The following ROBO1 variants were observed in gnomAD, a reference collection of about 807,000 sequenced individuals.
ROBO1 encodes roundabout homolog 1.
In ROBO1, 149 loss-of-function variants were observed where a neutral mutation model predicts 195.9. The ratio of observed to expected loss-of-function variants is 0.76; its 90% CI spans 0.67 to 0.87. ROBO1 has a LOEUF of 0.87. ROBO1 is among the 40% of genes least tolerant of loss of function. The pLI is 0.00. For missense variants in ROBO1, 1,933 were observed against 2,068.3 expected, an observed-to-expected ratio of 0.93 and a Z score of 1.27; for synonymous variants, 816 against 733.2, an observed-to-expected ratio of 1.11 and a Z score of -1.82.
chr3:79,608,140 TTA>T (rs779839633), intron 1 of ROBO1, among the ~76,000 whole-genome samples: 13 of 152,004 alleles, frequency 8.6e-5, no homozygotes, highest in Admixed American at 6.6e-4. Context: ...ATGCATGTGC[TTA>T]CAAGTTCGTC....
In ROBO1 at chr3:78,639,909, A is replaced by T; in HGVS notation, c.2883-11T>A. 1 of 1,513,820 alleles carries T rather than the reference A, an allele frequency of 6.6e-7. No homozygotes were observed. The highest frequency in any genetic ancestry group is 8.9e-7 in the Non-Finnish European group (1 of 1,129,130). 93.8% of individuals were successfully genotyped at this position (1,513,820 alleles called of 1,614,324 possible). On this transcript the variant is annotated splice_polypyrimidine_tract_variant and intron_variant, in intron 21 of 30. Transcript: ENST00000464233. ...TTGAGAAGTCCAGGCCTAAATAAAA[A>T]AAAAATATTAAAGCAAATGTTATAT...
At chr3:79,258,728 T>G (rs1437231288) in intron 2 of ROBO1, among the ~76,000 whole-genome samples, 1 of 152,146 alleles carries the variant, frequency 6.6e-6, no homozygotes, top group East Asian at 1.9e-4. Flanking sequence ...CTATTTCCAC[T>G]GGGAGACACA....
At position 78,711,423 on chromosome 3, in the gene ROBO1, CTTTCTTTCT is replaced by C. The variant is rs1559773837; in HGVS notation, c.1045+2965_1045+2973del. ...CCTTTCTTTCTTTCTTTCTTTCTTTCTTTCTTTCTTTCTTTCTTTCCTTCCTTCCTTCCT... is the reference window on the plus strand; with the variant it reads ...CCTTTCTTTCTTTCTTTCTTTCTTTCTTCTTTCTTTCCTTCCTTCCTTCCT... On this transcript the variant is annotated intron_variant, in intron 8 of 30. Coordinates refer to ENST00000464233, the MANE Select transcript of ROBO1 (RefSeq NM_002941.4). Among the ~76,000 whole-genome samples the C allele has an allele frequency of 4.7e-5, 5 of 105,470 alleles. 2 individuals are homozygous for C. The highest frequency in any genetic ancestry group is 2.0e-4 in the African/African-American group (5 of 24,576). 69.2% of individuals were successfully genotyped at this position (105,470 alleles called of 152,430 possible). A position where few individuals can be genotyped will look rare whatever the true frequency, so the allele number is the denominator to read the frequency against.
intron 4 of ROBO1, among the ~76,000 whole-genome samples, chr3:78,933,063 A>G (rs1401182428): frequency 6.6e-6 from 1 of 152,158 alleles, no homozygotes; most frequent in African/African-American, 2.4e-5. Flanking sequence ...CTAACTAAAC[A>G]GATATGTGAG....
At chr3:79,370,372 T>C (rs1006192893) in intron 2 of ROBO1, among the ~76,000 whole-genome samples, 1 of 151,748 alleles carries the variant, frequency 6.6e-6, no homozygotes, top group Non-Finnish European at 1.5e-5. Flanking sequence ...AAAAAAAAGT[T>C]CCTTTAAAAC....
At chr3:78,786,722 T>C (rs759749412) in intron 4 of ROBO1, among the ~76,000 whole-genome samples, 16 of 152,198 alleles carry the variant, frequency 1.1e-4, no homozygotes, top group Non-Finnish European at 2.1e-4. Context: ...ATGGAAGATG[T>C]GCCTTTGCCC....
intron 10 of ROBO1, among the ~76,000 whole-genome samples, chr3:78,673,565 TATATATATATATATATA>T: frequency 9.9e-5 from 2 of 20,110 alleles, no homozygotes; most frequent in South Asian, 2.2e-3. Context: ...ATATATTTTA[TATATATATATATATATA>T]TATATATATA....
At chr3:78,935,565 C>A (rs888684723) in intron 4 of ROBO1, among the ~76,000 whole-genome samples, 1 of 151,924 alleles carries the variant, frequency 6.6e-6, no homozygotes, top group African/African-American at 2.4e-5. Context: ...GGAGAATAGA[C>A]CCACAAACTA....
At chr3:78,615,906 G>A (rs1704085160) in intron 27 of ROBO1, among the ~76,000 whole-genome samples, 1 of 152,156 alleles carries the variant, frequency 6.6e-6, no homozygotes, top group African/African-American at 2.4e-5. Context: ...ACTGCAATAA[G>A]CAGAGGCCAA....
chr3:78,692,665 T>A (rs1417108831), intron 8 of ROBO1, among the ~76,000 whole-genome samples: 1 of 152,204 alleles, frequency 6.6e-6, no homozygotes, highest in Non-Finnish European at 1.5e-5. Flanking sequence ...TGTACAATTA[T>A]CTAAAAATTG....
At chr3:79,392,815 A>C (rs934048360) in intron 2 of ROBO1, among the ~76,000 whole-genome samples, 2 of 152,206 alleles carry the variant, frequency 1.3e-5, no homozygotes, top group African/African-American at 4.8e-5. Flanking sequence ...TTAAAAAGCT[A>C]TAACTGGAAG....
chr3:79,385,661 G>T (rs996669165), intron 2 of ROBO1, among the ~76,000 whole-genome samples: 3 of 152,036 alleles, frequency 2.0e-5, no homozygotes, highest in African/African-American at 7.2e-5. Context: ...TTCTGTAAAA[G>T]AAAGAAACTC....
chr3:79,144,439 C>T (rs2080601377), intron 2 of ROBO1, among the ~76,000 whole-genome samples: 1 of 151,808 alleles, frequency 6.6e-6, no homozygotes, highest in Non-Finnish European at 1.5e-5. Flanking sequence ...TACTCCCTTC[C>T]ACTTTTTTCC....
chr3:79,401,801 ATATAT>A (rs1233326208), intron 2 of ROBO1, among the ~76,000 whole-genome samples: 1 of 151,876 alleles, frequency 6.6e-6, no homozygotes, highest in Non-Finnish European at 1.5e-5. Flanking sequence ...TAAAATAAAA[ATATAT>A]TATATAACCA....
intron 26 of ROBO1, among the ~76,000 whole-genome samples, chr3:78,620,883 A>ATG (rs199578004): frequency 0.033 from 4,803 of 144,608 alleles, 98 homozygotes; most frequent in South Asian, 0.079. Flanking sequence ...ATATATATAT[A>ATG]TGTGTGTGTG....
At chr3:79,282,691 C>G (rs2031602153) in intron 2 of ROBO1, among the ~76,000 whole-genome samples, 2 of 152,108 alleles carry the variant, frequency 1.3e-5, no homozygotes, top group Non-Finnish European at 2.9e-5. Flanking sequence ...AAATTTTACG[C>G]ATGTTGAGTT....
At chr3:78,956,151 T>C (rs756878158) in intron 3 of ROBO1, among the ~76,000 whole-genome samples, 6 of 152,182 alleles carry the variant, frequency 3.9e-5, no homozygotes, top group Non-Finnish European at 5.9e-5. Flanking sequence ...CTATAGTACA[T>C]ACTTTAGTAA....
chr3:78,635,380 T>C (rs149896238), intron 23 of ROBO1, among the ~76,000 whole-genome samples: 122 of 152,280 alleles, frequency 8.0e-4, no homozygotes, highest in African/African-American at 2.8e-3. Flanking sequence ...AAAATGCCAT[T>C]GGTTTATATA....
chr3:79,433,130 T>G (rs559346730), intron 2 of ROBO1, among the ~76,000 whole-genome samples: 2 of 152,226 alleles, frequency 1.3e-5, no homozygotes, highest in Admixed American at 1.3e-4. Flanking sequence ...ACCTAGGTAT[T>G]AAGGCCAGTA....
Sources: gnomAD v4.1 joint callset for allele counts (sites outside exome capture counted in the v4.1 genomes callset) on GRCh38, gnomAD v4.1.1 for gene constraint, MANE v1.5 for transcripts, NCBI Gene and HGNC (gene_info 2026-07-23, HGNC 2026-07-21) for gene names.